The following FSD1L variants were observed in gnomAD, a reference collection of about 807,000 sequenced individuals.
FSD1L encodes fibronectin type III and SPRY domain containing 1 like, also known as FSD1-like protein.
FSD1L carries 45 observed loss-of-function variants against 71.6 expected under a neutral mutation model. The ratio of observed to expected loss-of-function variants is 0.63; its 90% CI spans 0.49 to 0.81. FSD1L has a LOEUF of 0.81. Ranked by LOEUF, FSD1L falls within the 30% of genes least tolerant of loss-of-function variation. The pLI is 0.00. For synonymous variants in FSD1L, 197 were observed against 207.2 expected (o/e 0.95, Z 0.42); for missense variants, 561 against 618.1 (o/e 0.91, Z 0.98).
intron 10 of FSD1L, among the ~76,000 whole-genome samples, chr9:105,516,263 G>C (rs901189407): frequency 2.8e-4 from 43 of 152,194 alleles, no homozygotes; most frequent in African/African-American, 1.0e-3. Context: ...TGTGGGTGCA[G>C]CTTTAGCGAC....
chr9:105,526,341 A>G, intron 10 of FSD1L: 3 of 1,612,034 alleles, frequency 1.9e-6, no homozygotes, highest in Non-Finnish European at 2.5e-6. Context: ...ACCATTTACC[A>G]TCTGATGCCG....
At chr9:105,533,072 A>C (rs1182912085) in intron 10 of FSD1L, among the ~76,000 whole-genome samples, 2 of 152,172 alleles carry the variant, frequency 1.3e-5, no homozygotes. Flanking sequence ...TTAGGAAGAA[A>C]ATTTCTAGTG....
chr9:105,525,121 A>G (rs1415339979), intron 10 of FSD1L: 11 of 1,551,422 alleles, frequency 7.1e-6, no homozygotes, highest in African/African-American at 1.4e-5. Context: ...GTGGCTTGTC[A>G]GAACCTACAT....
At chr9:105,508,952 T>A (rs1304920252) in intron 9 of FSD1L, among the ~76,000 whole-genome samples, 1 of 152,244 alleles carries the variant, frequency 6.6e-6, no homozygotes, top group African/African-American at 2.4e-5. Flanking sequence ...TGGTATTGTA[T>A]TCTCTGGGAG....
chr9:105,489,612 G>A lies in FSD1L; in HGVS notation c.586+5110G>A, dbSNP rs546234432. ...GCTGGTGTGCTGCACACATTAACTC[G>A]TCATTTAGCATTAGGTATATCTCCT... On this transcript the variant is annotated intron_variant, in intron 7 of 13. Coordinates refer to ENST00000481272, the MANE Select transcript of FSD1L (RefSeq NM_001145313.3). Among the ~76,000 whole-genome samples, 47 of 151,998 alleles carry A rather than the reference G, an allele frequency of 3.1e-4. No individual in the cohort carries two copies. The South Asian group carries it at 7.7e-3, about 25-fold the overall frequency.
At chr9:105,518,734 A>C (rs1202312676) in intron 10 of FSD1L, among the ~76,000 whole-genome samples, 2 of 152,234 alleles carry the variant, frequency 1.3e-5, no homozygotes, top group Admixed American at 6.5e-5. Context: ...TGACATACTG[A>C]CATGAAAATG....
Position 105,528,329 on chromosome 9 carries a change from A to G in FSD1L, c.1026-6164A>G, listed in dbSNP as rs139462783. On this transcript the variant is annotated intron_variant, in intron 10 of 13. Coordinates refer to ENST00000481272, the MANE Select transcript of FSD1L (RefSeq NM_001145313.3). The stretch of plus-strand genomic sequence containing the variant: ...TGGAACCGCCCGCATAGAGAAGACA[A>G]TCTTAAGCAAAAAGAACAAAGCTAG... Among the ~76,000 whole-genome samples the G allele has an allele frequency of 2.0e-3, 300 of 152,324 alleles. 1 individual carries two copies. The highest frequency in any genetic ancestry group is 4.7e-3 in the African/African-American group (196 of 41,584).
intron 13 of FSD1L, among the ~76,000 whole-genome samples, chr9:105,545,226 T>C (rs1836912436): frequency 6.8e-6 from 1 of 146,508 alleles, no homozygotes. Context: ...TGGCTCTCTG[T>C]TTGTTATTGG....
chr9:105,499,431 A>G (rs963572056), intron 7 of FSD1L, among the ~76,000 whole-genome samples: 7 of 151,936 alleles, frequency 4.6e-5, no homozygotes, highest in Non-Finnish European at 7.4e-5. Flanking sequence ...TTTTAAAAAC[A>G]TTTCTTCATA....
At chr9:105,461,073 A>C (rs1394556184) in intron 1 of FSD1L, among the ~76,000 whole-genome samples, 1 of 152,240 alleles carries the variant, frequency 6.6e-6, no homozygotes, top group African/African-American at 2.4e-5. Flanking sequence ...ATCTGGCATA[A>C]CATAAGCACA....
chr9:105,546,493 A>G lies in FSD1L; in HGVS notation c.*10A>G. Reference sequence around the variant, plus strand: ...TGTTGTTACTCAATAGTGTCTACTCAGAATACGTTTACCCTCCGTCTTGAT... The same window carrying G: ...TGTTGTTACTCAATAGTGTCTACTCGGAATACGTTTACCCTCCGTCTTGAT... On this transcript the variant is annotated 3_prime_UTR_variant, in exon 14 of 14. Coordinates refer to ENST00000481272, the MANE Select transcript of FSD1L (RefSeq NM_001145313.3). The G allele has an allele frequency of 6.5e-7, 1 of 1,531,704 alleles. No individual in the cohort carries two copies. The highest frequency in any genetic ancestry group is 2.5e-5 in the East Asian group (1 of 40,624). 94.9% of individuals were successfully genotyped at this position (1,531,704 alleles called of 1,614,324 possible). A position where few individuals can be genotyped will look rare whatever the true frequency, so the allele number is the denominator to read the frequency against.
At chr9:105,521,325 G>T (rs1835136779) in intron 10 of FSD1L, 2 of 1,614,188 alleles carry the variant, frequency 1.2e-6, no homozygotes. Flanking sequence ...TGATAAAGCA[G>T]ACAGAACTAC....
intron 10 of FSD1L, among the ~76,000 whole-genome samples, chr9:105,528,399 T>G (rs1254701486): frequency 6.6e-6 from 1 of 152,168 alleles, no homozygotes; most frequent in Non-Finnish European, 1.5e-5. Flanking sequence ...AAGGCTACAG[T>G]AACCAAAACA....
chr9:105,522,496 G>C, intron 10 of FSD1L: 2 of 1,613,870 alleles, frequency 1.2e-6, no homozygotes, highest in African/African-American at 1.3e-5. Flanking sequence ...AAGGCGAGGA[G>C]TATAGTACGG....
At chr9:105,471,218 A>G (rs1325135864) in intron 4 of FSD1L, among the ~76,000 whole-genome samples, 3 of 152,206 alleles carry the variant, frequency 2.0e-5, no homozygotes, top group African/African-American at 7.2e-5. Flanking sequence ...TGCATTATGC[A>G]TCTTGATCAA....
chr9:105,526,856 A>G (rs537201297), intron 10 of FSD1L, among the ~76,000 whole-genome samples: 1 of 151,902 alleles, frequency 6.6e-6, no homozygotes, highest in Non-Finnish European at 1.5e-5. Flanking sequence ...CCAAAATACA[A>G]TTGGACAATT....
chr9:105,542,351 CA>C (rs1256755810), intron 13 of FSD1L, among the ~76,000 whole-genome samples: 1 of 152,186 alleles, frequency 6.6e-6, no homozygotes, highest in Non-Finnish European at 1.5e-5. Flanking sequence ...TTCCTAATGA[CA>C]AATGATGTTT....
chr9:105,520,951 A>G, intron 10 of FSD1L: 4 of 1,611,916 alleles, frequency 2.5e-6, no homozygotes, highest in Non-Finnish European at 3.4e-6. Context: ...AAAGAAAACC[A>G]AGAAAGGGGA....
intron 13 of FSD1L, among the ~76,000 whole-genome samples, chr9:105,540,945 T>C (rs1836572600): frequency 6.6e-6 from 1 of 152,158 alleles, no homozygotes; most frequent in Non-Finnish European, 1.5e-5. Flanking sequence ...AAGTTACCAT[T>C]ACTTTGGCTA....
Sources: allele counts gnomAD v4.1 joint callset (sites outside exome capture counted in the v4.1 genomes callset), GRCh38; gene constraint gnomAD v4.1.1; transcripts MANE v1.5; gene names NCBI Gene and HGNC (gene_info 2026-07-23, HGNC 2026-07-21).